The following CHCHD3 variants were observed in gnomAD, a reference collection of about 807,000 sequenced individuals.
CHCHD3 encodes the protein coiled-coil-helix-coiled-coil-helix domain containing 3.
Under a neutral mutation model 38.2 loss-of-function variants are expected in CHCHD3, and 20 were observed. The observed-to-expected ratio is 0.52, with a 90% CI of 0.37 to 0.76. The LOEUF (loss-of-function observed/expected upper bound fraction) is 0.76, where lower values mean the gene tolerates loss of function less well. Among genes scored for constraint, CHCHD3 ranks in the 30% least tolerant of loss-of-function variants. The probability of loss-of-function intolerance (pLI) is 0.00; values close to 1 mark genes in which losing one functional copy is unlikely to be tolerated. For missense variants in CHCHD3, 245 were observed against 279.2 expected (o/e 0.88, Z 0.87); for synonymous variants, 82 against 100.0 (o/e 0.82, Z 1.07).
At chr7:132,796,621 C>A (rs1806623849) in intron 6 of CHCHD3, 44 bp from the exon 7 acceptor site, 3 of 1,573,782 alleles carry the variant, frequency 1.9e-6, no homozygotes, top group East Asian at 4.5e-5. Flanking sequence ...GGTCTTCATT[C>A]AGAATAAAAA....
chr7:132,906,069 G>C (rs1187647249), intron 4 of CHCHD3, among the ~76,000 whole-genome samples: 1 of 152,108 alleles, frequency 6.6e-6, no homozygotes, highest in African/African-American at 2.4e-5. Context: ...TTATAACTAT[G>C]TGAGATAAAG....
intron 3 of CHCHD3, among the ~76,000 whole-genome samples, chr7:133,006,192 G>A (rs1327575535): frequency 6.6e-6 from 1 of 152,128 alleles, no homozygotes; most frequent in South Asian, 2.1e-4. Flanking sequence ...TAGGCCGGGC[G>A]CAGTGGCTCA....
At chr7:132,815,786 G>T (rs765642875) in intron 6 of CHCHD3, among the ~76,000 whole-genome samples, 1 of 151,742 alleles carries the variant, frequency 6.6e-6, no homozygotes, top group Non-Finnish European at 1.5e-5. Context: ...TTTACGCACC[G>T]TCAGTCAAGG....
At chr7:132,845,996 T>C (rs1273002380) in intron 5 of CHCHD3, among the ~76,000 whole-genome samples, 1 of 152,198 alleles carries the variant, frequency 6.6e-6, no homozygotes, top group Admixed American at 6.5e-5. Context: ...AAATCTGAGA[T>C]GAAATCCTCT....
At chr7:133,053,726 G>A (rs1814233382) in intron 2 of CHCHD3, among the ~76,000 whole-genome samples, 1 of 152,154 alleles carries the variant, frequency 6.6e-6, no homozygotes, top group Admixed American at 6.6e-5. Context: ...GTGTCCTAAA[G>A]AATGACTCTG....
intron 4 of CHCHD3, among the ~76,000 whole-genome samples, chr7:132,902,233 G>A (rs1809687806): frequency 6.6e-6 from 1 of 152,192 alleles, no homozygotes; most frequent in Non-Finnish European, 1.5e-5. Flanking sequence ...CTGTAAACTA[G>A]TTCAACCACT....
chr7:133,023,406 A>G (rs1813247852), intron 3 of CHCHD3, among the ~76,000 whole-genome samples: 1 of 152,212 alleles, frequency 6.6e-6, no homozygotes, highest in South Asian at 2.1e-4. Context: ...TAAGGCTCAA[A>G]GAGGTTAAAT....
intron 6 of CHCHD3, among the ~76,000 whole-genome samples, chr7:132,805,112 G>C (rs894070169): frequency 2.6e-5 from 4 of 152,250 alleles, no homozygotes; most frequent in Non-Finnish European, 5.9e-5. Context: ...TACAGACTAG[G>C]AAGGGGGAGT....
At chr7:132,815,556 T>C (rs1048113040) in intron 6 of CHCHD3, 3 of 456,422 alleles carry the variant, frequency 6.6e-6, no homozygotes, top group African/African-American at 6.0e-5. Context: ...CGAGTTCTCC[T>C]ACTAGGAGCC....
chr7:132,888,141 G>A (rs1008875061), intron 4 of CHCHD3, among the ~76,000 whole-genome samples: 3 of 151,310 alleles, frequency 2.0e-5, no homozygotes, highest in Middle Eastern at 3.2e-3. Flanking sequence ...TAAGGAAGAC[G>A]AAGAGAAAAA....
chr7:132,868,196 G>A (rs1189008680), intron 5 of CHCHD3, among the ~76,000 whole-genome samples: 4 of 152,162 alleles, frequency 2.6e-5, no homozygotes, highest in South Asian at 4.2e-4. Flanking sequence ...ACCAATATTC[G>A]TTGCTTTTTG....
intron 4 of CHCHD3, chr7:132,973,998 T>A: frequency 2.3e-6 from 3 of 1,287,280 alleles, no homozygotes; most frequent in Non-Finnish European, 3.0e-6. Context: ...ACACTCCAGG[T>A]TTCACCCAGA....
At chr7:132,927,082 T>C (rs984449664) in intron 4 of CHCHD3, among the ~76,000 whole-genome samples, 24 of 152,212 alleles carry the variant, frequency 1.6e-4, no homozygotes, top group Non-Finnish European at 1.5e-5. Flanking sequence ...TGCAATGTCT[T>C]CATAAAGATT....
intron 5 of CHCHD3, among the ~76,000 whole-genome samples, chr7:132,854,942 CA>C (rs1291975231): frequency 6.6e-6 from 1 of 152,048 alleles, no homozygotes; most frequent in Non-Finnish European, 1.5e-5. Flanking sequence ...TTGGACTGTC[CA>C]AAAGCAAATA....
intron 2 of CHCHD3, among the ~76,000 whole-genome samples, chr7:133,025,042 CAACT>C (rs1400237420): frequency 6.6e-6 from 1 of 151,944 alleles, no homozygotes; most frequent in Non-Finnish European, 1.5e-5. Flanking sequence ...AATAATTAAA[CAACT>C]AACAAAATCA....
At chr7:132,919,505 A>C (rs557348751) in intron 4 of CHCHD3, among the ~76,000 whole-genome samples, 20 of 152,256 alleles carry the variant, frequency 1.3e-4, no homozygotes, top group Admixed American at 2.6e-4. Flanking sequence ...CTCCCTCACC[A>C]AAATATTATA....
At chr7:133,030,454 G>C (rs1813468924) in intron 2 of CHCHD3, among the ~76,000 whole-genome samples, 1 of 152,168 alleles carries the variant, frequency 6.6e-6, no homozygotes, top group African/African-American at 2.4e-5. Context: ...GCACAAGAAA[G>C]GCCAACTTTG....
chr7:132,954,562 C>G (rs1001124613), intron 4 of CHCHD3, among the ~76,000 whole-genome samples: 2 of 152,106 alleles, frequency 1.3e-5, no homozygotes, highest in Non-Finnish European at 2.9e-5. Context: ...ACAATGCCAA[C>G]ATGGGGCCAC....
intron 4 of CHCHD3, among the ~76,000 whole-genome samples, chr7:132,967,470 C>G (rs1811495304): frequency 6.6e-6 from 1 of 151,982 alleles, no homozygotes; most frequent in Admixed American, 6.6e-5. Context: ...TTGAGCTTCT[C>G]AGAGGCTATT....
Sources: allele counts gnomAD v4.1 joint callset (sites outside exome capture counted in the v4.1 genomes callset), GRCh38; gene constraint gnomAD v4.1.1; transcripts MANE v1.5; gene names NCBI Gene and HGNC (gene_info 2026-07-23, HGNC 2026-07-21).